The following AIG1 variants were observed in gnomAD, a reference collection of about 807,000 sequenced individuals.
AIG1 encodes the protein androgen induced 1.
A neutral mutation model predicts 31.4 loss-of-function variants in AIG1; 23 were observed. That is an observed-to-expected ratio of 0.73 (90% CI 0.53 to 1.04). AIG1 has a LOEUF of 1.04. AIG1 is among the 50% of genes least tolerant of loss of function. The probability of loss-of-function intolerance (pLI) is 0.00; values close to 1 mark genes in which losing one functional copy is unlikely to be tolerated. For missense variants in AIG1, 274 were observed against 295.0 expected (o/e 0.93, Z 0.52); for synonymous variants, 100 against 110.5 (o/e 0.90, Z 0.60).
At chr6:143,214,268 A>G (rs1791832135) in intron 3 of AIG1, among the ~76,000 whole-genome samples, 1 of 152,248 alleles carries the variant, frequency 6.6e-6, no homozygotes, top group South Asian at 2.1e-4. Context: ...AACGTGCAGC[A>G]GAAAGAGAAC....
chr6:143,183,457 G>C (rs1438329637), intron 3 of AIG1, among the ~76,000 whole-genome samples: 1 of 152,206 alleles, frequency 6.6e-6, no homozygotes, highest in African/African-American at 2.4e-5. Flanking sequence ...GCCTCCCAAA[G>C]TGCTGGGGTT....
Position 143,334,102 on chromosome 6 carries a change from A to AGGG in AIG1, c.679+657_679+658insGGG. 1 of 1,550,454 alleles carries AGGG rather than the reference A, an allele frequency of 6.4e-7. No homozygotes were observed. On this transcript the variant is annotated intron_variant, in intron 5 of 5. Coordinates refer to ENST00000357847, the MANE Select transcript of AIG1 (RefSeq NM_016108.4). This position sits in a 1 kb window ranked among gnomAD's most constrained non-coding sequence, Gnocchi z 5.1. ...GAGCCTCCATCTTGGCAAGGCACGTAATCTTATCCAAGCTGTGCAAAACCT... is the reference window on the plus strand; with the variant it reads ...GAGCCTCCATCTTGGCAAGGCACGTAGGGATCTTATCCAAGCTGTGCAAAACCT...
intron 1 of AIG1, among the ~76,000 whole-genome samples, chr6:143,074,073 T>C (rs1285037613): frequency 6.6e-6 from 1 of 152,272 alleles, no homozygotes; most frequent in Non-Finnish European, 1.5e-5. Context: ...GTCTTTTGCC[T>C]GTTTTTAATT....
At chr6:143,124,573 A>G (rs187165879) in intron 1 of AIG1, among the ~76,000 whole-genome samples, 2 of 152,054 alleles carry the variant, frequency 1.3e-5, no homozygotes, top group African/African-American at 4.8e-5. Context: ...CTGCAAACAC[A>G]CCTTTTCCAG....
intron 1 of AIG1, among the ~76,000 whole-genome samples, chr6:143,086,939 G>T (rs1029925688): frequency 2.6e-5 from 4 of 152,048 alleles, no homozygotes; most frequent in African/African-American, 9.7e-5. Flanking sequence ...GTTGGCCCTC[G>T]GCTTCCCCCA....
chr6:143,327,495 G>T lies in AIG1; in HGVS notation c.516-5787G>T. 2 of 384,156 alleles carry T rather than the reference G, an allele frequency of 5.2e-6. No individual in the cohort carries two copies. The highest frequency in any genetic ancestry group is 3.2e-5 in the Admixed American group (1 of 31,042). 23.8% of individuals were successfully genotyped at this position (384,156 alleles called of 1,614,324 possible). Reference sequence around the variant, plus strand: ...GATACCAGGCCCAACAAAACTGTCTGGGCCAAAGGAATAAGGAATGTCCCA... The same window carrying T: ...GATACCAGGCCCAACAAAACTGTCTTGGCCAAAGGAATAAGGAATGTCCCA... On this transcript the variant is annotated intron_variant, in intron 4 of 5. Coordinates refer to ENST00000357847, the MANE Select transcript of AIG1 (RefSeq NM_016108.4). The surrounding 1 kb of genome is among the most constrained non-coding windows in gnomAD (Gnocchi z 5.3).
At chr6:143,253,057 A>G (rs951220533) in intron 3 of AIG1, among the ~76,000 whole-genome samples, 1 of 152,188 alleles carries the variant, frequency 6.6e-6, no homozygotes, top group Non-Finnish European at 1.5e-5. Context: ...AGAAGCCACA[A>G]TCATTTCTAG....
intron 3 of AIG1, among the ~76,000 whole-genome samples, chr6:143,197,891 G>A (rs527410925): frequency 6.6e-6 from 1 of 152,264 alleles, no homozygotes; most frequent in East Asian, 1.9e-4. Context: ...ATCTTTGGGA[G>A]ATAGATCATA....
At chr6:143,213,310 T>C (rs554505514) in intron 3 of AIG1, among the ~76,000 whole-genome samples, 2 of 152,216 alleles carry the variant, frequency 1.3e-5, no homozygotes, top group African/African-American at 4.8e-5. Context: ...AAATATCCTG[T>C]TGCTGACTTC....
chr6:143,294,425 G>A (rs1450245717), intron 4 of AIG1, among the ~76,000 whole-genome samples: 1 of 152,176 alleles, frequency 6.6e-6, no homozygotes. Flanking sequence ...GAGCCAGACT[G>A]CCTAAGCCTG....
intron 1 of AIG1, among the ~76,000 whole-genome samples, chr6:143,092,675 A>T (rs892009206): frequency 6.6e-6 from 1 of 152,102 alleles, no homozygotes; most frequent in Non-Finnish European, 1.5e-5. Context: ...TAGATTTTCG[A>T]AATGGTAAAT....
intron 3 of AIG1, among the ~76,000 whole-genome samples, chr6:143,206,208 TA>T (rs1473389226): frequency 6.6e-6 from 1 of 152,256 alleles, no homozygotes; most frequent in Non-Finnish European, 1.5e-5. Flanking sequence ...TCCATTGTAA[TA>T]GCTGGCAGGC....
chr6:143,287,565 G>GA (rs1797769175), intron 4 of AIG1, among the ~76,000 whole-genome samples: 1 of 151,968 alleles, frequency 6.6e-6, no homozygotes, highest in Non-Finnish European at 1.5e-5. Context: ...TTGTTTAGAA[G>GA]AAATACATAA....
chr6:143,070,906 C>G (rs1412574931), intron 1 of AIG1, among the ~76,000 whole-genome samples: 1 of 152,238 alleles, frequency 6.6e-6, no homozygotes, highest in Non-Finnish European at 1.5e-5. Flanking sequence ...TGTAGATTCA[C>G]TTCAGTTGTA....
At chr6:143,165,696 G>A (rs1358590669) in intron 3 of AIG1, among the ~76,000 whole-genome samples, 1 of 152,178 alleles carries the variant, frequency 6.6e-6, no homozygotes, top group African/African-American at 2.4e-5. Flanking sequence ...CAATGGAATT[G>A]TTTGCCTCGT....
downstream of AIG1, chr6:143,343,469 G>C (rs951378092): frequency 1.0e-5 from 3 of 289,430 alleles, no homozygotes; most frequent in South Asian, 5.4e-5. Flanking sequence ...TCATGGCTAC[G>C]TTCCCGCCTG....
intron 3 of AIG1, among the ~76,000 whole-genome samples, chr6:143,257,232 G>A (rs1235057863): frequency 6.6e-6 from 1 of 152,122 alleles, no homozygotes; most frequent in African/African-American, 2.4e-5. Flanking sequence ...TCCATTCCTG[G>A]AGTCAAGAAC....
chr6:143,088,265 T>A (rs1024404255), intron 1 of AIG1, among the ~76,000 whole-genome samples: 1 of 141,578 alleles, frequency 7.1e-6, no homozygotes, highest in African/African-American at 3.2e-5. Flanking sequence ...ACACTGCACA[T>A]CTTTTTTTTT....
At chr6:143,151,599 A>C (rs1471538675) in intron 2 of AIG1, among the ~76,000 whole-genome samples, 1 of 152,192 alleles carries the variant, frequency 6.6e-6, no homozygotes, top group African/African-American at 2.4e-5. Flanking sequence ...GAAGTCCCGA[A>C]ATATTCTTGT....
Sources: allele counts gnomAD v4.1 joint callset (sites outside exome capture counted in the v4.1 genomes callset), GRCh38; gene constraint gnomAD v4.1.1; non-coding constraint Gnocchi (gnomAD v3.1); transcripts MANE v1.5; gene names NCBI Gene and HGNC (gene_info 2026-07-23, HGNC 2026-07-21).